Variants in EFCAB11 observed in about 807,000 individuals in gnomAD.
EFCAB11 encodes the protein EF-hand calcium-binding domain-containing protein 11.
EFCAB11 carries 14 observed loss-of-function variants against 23.0 expected under a neutral mutation model. The observed-to-expected ratio is 0.61, with a 90% confidence interval of 0.40 to 0.95. The LOEUF is 0.95. Ranked by LOEUF, EFCAB11 falls within the 40% of genes least tolerant of loss-of-function variation. EFCAB11 has a pLI of 0.00. For missense variants in EFCAB11, 198 were observed against 195.8 expected (o/e 1.01, Z -0.07); for synonymous variants, 65 against 66.6 (o/e 0.98, Z 0.11).
chr14:89,813,596 T>C (rs1442695368), intron 5 of EFCAB11, among the ~76,000 whole-genome samples: 1 of 152,158 alleles, frequency 6.6e-6, no homozygotes, highest in East Asian at 1.9e-4. Flanking sequence ...TGAGGAGCAT[T>C]TGTTACTTCA....
intron 5 of EFCAB11, among the ~76,000 whole-genome samples, chr14:89,897,341 G>A (rs1371583824): frequency 6.6e-6 from 1 of 151,612 alleles, no homozygotes; most frequent in African/African-American, 2.4e-5. Flanking sequence ...CTGAGTAGCT[G>A]AGACTACAGG....
At chr14:89,825,754 AAGAG>A (rs1397063500) in intron 5 of EFCAB11, among the ~76,000 whole-genome samples, 4 of 152,126 alleles carry the variant, frequency 2.6e-5, no homozygotes, top group East Asian at 1.9e-4. Context: ...AAAAAAGAGA[AAGAG>A]AGAAAGAGAG....
chr14:89,811,630 A>G (rs1222688136), intron 5 of EFCAB11, among the ~76,000 whole-genome samples: 1 of 152,192 alleles, frequency 6.6e-6, no homozygotes, highest in East Asian at 1.9e-4. Context: ...CTAAACTGCC[A>G]GCTTTGTTGA....
intron 5 of EFCAB11, among the ~76,000 whole-genome samples, chr14:89,842,523 C>T (rs1321814065): frequency 2.6e-5 from 4 of 151,998 alleles, no homozygotes; most frequent in Admixed American, 6.6e-5. Context: ...TGCAGTGAGC[C>T]GAGATCGTGC....
At chr14:89,904,533 T>A (rs1889436077) in intron 5 of EFCAB11, among the ~76,000 whole-genome samples, 1 of 152,176 alleles carries the variant, frequency 6.6e-6, no homozygotes, top group Non-Finnish European at 1.5e-5. Context: ...TAGTTCTAGA[T>A]CCTTGAGGAA....
intron 5 of EFCAB11, among the ~76,000 whole-genome samples, chr14:89,906,146 CA>C (rs1440631264): frequency 1.3e-5 from 2 of 151,274 alleles, no homozygotes; most frequent in African/African-American, 4.9e-5. Context: ...GAAATACTGA[CA>C]ATGCCTGGCA....
At chr14:89,911,147 A>G (rs1266848966) in intron 5 of EFCAB11, among the ~76,000 whole-genome samples, 1 of 152,230 alleles carries the variant, frequency 6.6e-6, no homozygotes, top group Admixed American at 6.5e-5. Context: ...AGTGAAGTCC[A>G]AGGGATTTAA....
At chr14:89,929,882 A>T (rs11845113) in intron 5 of EFCAB11, among the ~76,000 whole-genome samples, 28,725 of 152,234 alleles carry the variant, frequency 0.19, 3,156 homozygotes, top group South Asian at 0.32. Flanking sequence ...TATATTTAAA[A>T]ACATTTTTCA....
intron 2 of EFCAB11, 21 bp from the exon 3 acceptor site, chr14:89,950,163 A>C: frequency 6.5e-7 from 1 of 1,549,424 alleles, no homozygotes; most frequent in Non-Finnish European, 8.8e-7. Context: ...GGAAAAAATA[A>C]TAGAACATGT....
At chr14:89,864,061 A>G (rs769572273) in intron 5 of EFCAB11, among the ~76,000 whole-genome samples, 2 of 152,202 alleles carry the variant, frequency 1.3e-5, no homozygotes, top group South Asian at 2.1e-4. Context: ...ACACTACTTA[A>G]TTTTTAAATA....
intron 5 of EFCAB11, among the ~76,000 whole-genome samples, chr14:89,855,690 T>C (rs764134777): frequency 3.3e-5 from 5 of 152,192 alleles, no homozygotes; most frequent in Non-Finnish European, 5.9e-5. Context: ...TTTTATTACC[T>C]GTAGTGCTCA....
At chr14:89,825,485 G>T (rs1886658781) in intron 5 of EFCAB11, among the ~76,000 whole-genome samples, 1 of 151,872 alleles carries the variant, frequency 6.6e-6, no homozygotes, top group South Asian at 2.1e-4. Flanking sequence ...AATGGCAAAA[G>T]TCAATTAACT....
At chr14:89,869,396 G>A (rs1888197457) in intron 5 of EFCAB11, among the ~76,000 whole-genome samples, 1 of 152,098 alleles carries the variant, frequency 6.6e-6, no homozygotes. Context: ...TGTATTGGGG[G>A]CTCCTGCCTG....
chr14:89,942,618 A>T (rs1276943720), intron 3 of EFCAB11, among the ~76,000 whole-genome samples: 1 of 152,196 alleles, frequency 6.6e-6, no homozygotes, highest in Non-Finnish European at 1.5e-5. Context: ...CTCAACTGTG[A>T]TCTGCCGCTT....
intron 5 of EFCAB11, among the ~76,000 whole-genome samples, chr14:89,901,523 A>C (rs1889336535): frequency 1.3e-5 from 2 of 152,208 alleles, no homozygotes; most frequent in South Asian, 4.1e-4. Context: ...ATATCTGTTG[A>C]ACTGAATTTA....
chr14:89,797,626 T>G (rs969862010), intron 5 of EFCAB11, among the ~76,000 whole-genome samples: 1 of 152,194 alleles, frequency 6.6e-6, no homozygotes. Flanking sequence ...CATGTCTTTC[T>G]GTGATATGTC....
intron 5 of EFCAB11, among the ~76,000 whole-genome samples, chr14:89,871,837 G>A (rs2140163816): frequency 6.6e-6 from 1 of 152,310 alleles, no homozygotes; most frequent in Middle Eastern, 3.4e-3. Context: ...AATCTGTGCT[G>A]CATTTCTTGC....
Position 89,799,192 on chromosome 14 carries a change from T to A in EFCAB11, c.411-1868A>T, listed in dbSNP as rs111670472. 11 of 152,348 alleles carry A rather than the reference T, an allele frequency of 7.2e-5. 1 individual carries two copies. Among genetic ancestry groups the A allele is most frequent in the African/African-American group, 2.6e-4 (11 of 41,574 alleles). The allele number at this position is 152,348 out of a possible 1,614,324, so 9.4% of individuals were successfully genotyped here. A position where few individuals can be genotyped will look rare whatever the true frequency, so the allele number is the denominator to read the frequency against. On this transcript the variant is annotated intron_variant, in intron 5 of 5. Transcript: ENST00000316738. Reference sequence around the variant, plus strand: ...GCACTGTTAAAACTGGAAAGTTTATTCATAACGTGTGGGGTGGCATTTTAT... The same window carrying A: ...GCACTGTTAAAACTGGAAAGTTTATACATAACGTGTGGGGTGGCATTTTAT...
At chr14:89,805,110 A>C (rs1346855295) in intron 5 of EFCAB11, among the ~76,000 whole-genome samples, 16 of 152,256 alleles carry the variant, frequency 1.1e-4, no homozygotes, top group Non-Finnish European at 4.4e-5. Context: ...AAAGAACGAC[A>C]TAAGCCAGGC....
Sources: gnomAD v4.1 joint callset for allele counts (sites outside exome capture counted in the v4.1 genomes callset) on GRCh38, gnomAD v4.1.1 for gene constraint, MANE v1.5 for transcripts, NCBI Gene and HGNC (gene_info 2026-07-23, HGNC 2026-07-21) for gene names.